The following CNRIP1 variants were observed in gnomAD, a reference collection of about 807,000 sequenced individuals.
The protein encoded by CNRIP1 is cannabinoid receptor interacting protein 1.
CNRIP1 carries 10 observed loss-of-function variants against 15.2 expected under a neutral mutation model. The ratio of observed to expected loss-of-function variants is 0.66; its 90% CI spans 0.41 to 1.12. The LOEUF (loss-of-function observed/expected upper bound fraction) is 1.12, where lower values mean the gene tolerates loss of function less well. CNRIP1 is among the 50% of genes most tolerant of loss of function. The pLI, the probability that CNRIP1 is intolerant of heterozygous loss-of-function variation, is 0.00. For missense variants in CNRIP1, 211 were observed against 214.7 expected, an observed-to-expected ratio of 0.98 and a Z score of 0.11; for synonymous variants, 91 against 83.2, an observed-to-expected ratio of 1.09 and a Z score of -0.51.
intron 2 of CNRIP1, among the ~76,000 whole-genome samples, chr2:68,306,124 CAAAAAA>C (rs61586261): frequency 0.031 from 785 of 25,322 alleles, 19 homozygotes; most frequent in African/African-American, 0.1. Context: ...CCCACCTCTA[CAAAAAA>C]AAAAAAAAAA....
At position 68,293,221 on chromosome 2, in the gene CNRIP1, A is replaced by G. The variant is rs1671223896; in HGVS notation, c.*641T>C. On this transcript the variant is annotated 3_prime_UTR_variant, in exon 3 of 3. Coordinates refer to ENST00000263655, the MANE Select transcript of CNRIP1 (RefSeq NM_015463.3). The stretch of plus-strand genomic sequence containing the variant: ...TCCCCCATTTCTACTAGGCTAGGCC[A>G]TTGCACAATACCTTAAGCTACTTAA... 7.1e-6 allele frequency: 7 copies of G among 985,418 alleles called. No individual in the cohort carries two copies. In the South Asian group the frequency reaches 3.3e-4, roughly 46 times the overall value. The allele number at this position is 985,418 out of a possible 1,614,324, so 61.0% of individuals were successfully genotyped here.
At chr2:68,317,924 C>T (rs1241473209) in intron 1 of CNRIP1, among the ~76,000 whole-genome samples, 1 of 151,850 alleles carries the variant, frequency 6.6e-6, no homozygotes, top group Non-Finnish European at 1.5e-5. Context: ...TTGAGAAATC[C>T]TTGATAGCAT....
intron 2 of CNRIP1, among the ~76,000 whole-genome samples, chr2:68,297,567 CAAAAAA>C (rs112601365): frequency 2.0e-5 from 2 of 98,904 alleles, no homozygotes; most frequent in African/African-American, 4.0e-5. Flanking sequence ...GACACTGTCT[CAAAAAA>C]AAAAAAAAAA....
At chr2:68,290,688 T>A (rs1286303140), downstream of CNRIP1, among the ~76,000 whole-genome samples, 1 of 152,072 alleles carries the variant, frequency 6.6e-6, no homozygotes, top group Admixed American at 6.5e-5. Flanking sequence ...AAAACAGGAG[T>A]CAAGAGGCCT....
chr2:68,293,090 G>T lies in CNRIP1; in HGVS notation c.*772C>A. On this transcript the variant is annotated 3_prime_UTR_variant, in exon 3 of 3. Coordinates refer to ENST00000263655, the MANE Select transcript of CNRIP1 (RefSeq NM_015463.3). Reference sequence around the variant, plus strand: ...AGTTTTACAAAGTTCAAGTGAAGAAGACTGTAGGGATGCCATCAATGTGCG... The same window carrying T: ...AGTTTTACAAAGTTCAAGTGAAGAATACTGTAGGGATGCCATCAATGTGCG... 1 of 985,382 alleles carries T rather than the reference G, an allele frequency of 1.0e-6. No individual in the cohort carries two copies. The highest frequency in any genetic ancestry group is 1.2e-6 in the Non-Finnish European group (1 of 829,904). 61.0% of individuals were successfully genotyped at this position (985,382 alleles called of 1,614,324 possible). A position where few individuals can be genotyped will look rare whatever the true frequency, so the allele number is the denominator to read the frequency against.
chr2:68,289,279 AT>A (rs1358616912), downstream of CNRIP1, among the ~76,000 whole-genome samples: 2 of 152,220 alleles, frequency 1.3e-5, no homozygotes, highest in Non-Finnish European at 2.9e-5. Context: ...TTTCTAGCAT[AT>A]CTTAAAATAT....
At chr2:68,301,893 CAAA>C (rs61613452) in intron 2 of CNRIP1, among the ~76,000 whole-genome samples, 858 of 74,236 alleles carry the variant, frequency 0.012, 6 homozygotes, top group African/African-American at 0.041. Context: ...GTCTCCGTCT[CAAA>C]AAAAAAAAAA....
intron 2 of CNRIP1, 130 bp downstream of exon 2, chr2:68,317,027 T>C: frequency 8.8e-7 from 1 of 1,134,562 alleles, no homozygotes; most frequent in Non-Finnish European, 1.3e-6. Context: ...TTGAAGGAAA[T>C]CCACAACTCA....
exon 3 of CNRIP1, chr2:68,284,452 A>G (rs735815): frequency 0.43 from 663,427 of 1,531,136 alleles, 148,347 homozygotes; most frequent in East Asian, 0.55. Context: ...CATATGTAAG[A>G]GAGATCTCTT....
At chr2:68,302,272 A>C (rs561520694) in intron 2 of CNRIP1, among the ~76,000 whole-genome samples, 6 of 152,072 alleles carry the variant, frequency 3.9e-5, no homozygotes, top group African/African-American at 7.3e-5. Flanking sequence ...ACGAGGACCA[A>C]CTTCTATATT....
rs1214086385 is a variant in CNRIP1, at chr2:68,302,845, C to CTTTTT, written c.331-8824_331-8820dup. Among the ~76,000 whole-genome samples the CTTTTT allele has an allele frequency of 6.0e-4, 76 of 126,258 alleles. 1 individual carries two copies. The highest frequency in any genetic ancestry group is 1.9e-3 in the African/African-American group (57 of 30,368). The allele number at this position is 126,258 out of a possible 152,430, so 82.8% of individuals were successfully genotyped here. A position where few individuals can be genotyped will look rare whatever the true frequency, so the allele number is the denominator to read the frequency against. ...ATCATTTATTCAATGATTTGAAAAACTTTTTTTTTTTTTTTTTTTTTGAGA... is the reference window on the plus strand; with the variant it reads ...ATCATTTATTCAATGATTTGAAAAACTTTTTTTTTTTTTTTTTTTTTTTTTTGAGA... On this transcript the variant is annotated intron_variant, in intron 2 of 2. Transcript: ENST00000263655.
chr2:68,291,194 A>G (rs1250383767), downstream of CNRIP1, among the ~76,000 whole-genome samples: 1 of 152,086 alleles, frequency 6.6e-6, no homozygotes, highest in Non-Finnish European at 1.5e-5. Flanking sequence ...CTGTTACTTC[A>G]TCTCCATCTC....
chr2:68,287,804 A>G (rs1487967349), intron 2 of CNRIP1, among the ~76,000 whole-genome samples: 2 of 152,222 alleles, frequency 1.3e-5, no homozygotes, highest in African/African-American at 4.8e-5. Context: ...GGCTGGAAAC[A>G]TTTGGTAAGC....
chr2:68,319,293 G>C lies in CNRIP1; in HGVS notation c.108C>G (p.Arg36=). The C allele has an allele frequency of 6.4e-7, 1 of 1,552,794 alleles. No individual in the cohort carries two copies. The highest frequency in any genetic ancestry group is 8.7e-7 in the Non-Finnish European group (1 of 1,148,024). The change falls in exon 1 of 3, where the codon CGC becomes CGG. Residue 36 remains arginine (R), a synonymous_variant. Transcript: ENST00000263655. ...KVDGQRFGQN[R]TIKLLTGSSY... is the part of the protein sequence containing the mutation. ...AGGAGCCGGTGAGCAGCTTGATGGT[G>C]CGGTTCTGGCCGAAGCGCTGCCCGT...
chr2:68,286,088 C>T (rs1181783818), intron 2 of CNRIP1, among the ~76,000 whole-genome samples: 1 of 152,086 alleles, frequency 6.6e-6, no homozygotes, highest in Non-Finnish European at 1.5e-5. Flanking sequence ...TTAGCTATCC[C>T]CTCCTACCCT....
chr2:68,297,567 C>CAAAAAAAAAAAAAAAAAAA (rs112601365), intron 2 of CNRIP1, among the ~76,000 whole-genome samples: 1 of 98,908 alleles, frequency 1.0e-5, no homozygotes, highest in African/African-American at 4.0e-5. Context: ...GACACTGTCT[C>CAAAAAAAAAAAAAAAAAAA]AAAAAAAAAA....
chr2:68,295,244 G>T, intron 2 of CNRIP1, among the ~76,000 whole-genome samples: 1 of 152,312 alleles, frequency 6.6e-6, no homozygotes, highest in East Asian at 1.9e-4. Flanking sequence ...GTGATCAGGT[G>T]CTTTCCAGAT....
At chr2:68,316,785 T>A in intron 2 of CNRIP1, 1 of 460,122 alleles carries the variant, frequency 2.2e-6, no homozygotes, top group Non-Finnish European at 3.9e-6. Context: ...CAAAGTGTCA[T>A]TCAAATCAGC....
At chr2:68,292,108 G>A (rs1382900087), downstream of CNRIP1, among the ~76,000 whole-genome samples, 1 of 152,002 alleles carries the variant, frequency 6.6e-6, no homozygotes, top group Non-Finnish European at 1.5e-5. Flanking sequence ...AACCTCTGTA[G>A]TAAATCCATT....
Sources: allele counts gnomAD v4.1 joint callset (sites outside exome capture counted in the v4.1 genomes callset), GRCh38; gene constraint gnomAD v4.1.1; transcripts MANE v1.5; gene names NCBI Gene and HGNC (gene_info 2026-07-23, HGNC 2026-07-21).